Variants in ZMYM4 observed in about 807,000 individuals in gnomAD.
ZMYM4 encodes the protein zinc finger MYM-type protein 4.
Under a neutral mutation model 183.2 loss-of-function variants are expected in ZMYM4, and 31 were observed. The ratio of observed to expected loss-of-function variants is 0.17; its 90% CI spans 0.13 to 0.23. The LOEUF is 0.23. ZMYM4 is among the 10% of genes least tolerant of loss of function. The pLI is 1.00. For missense variants in ZMYM4, 1,273 were observed against 1,840.3 expected, an observed-to-expected ratio of 0.69 and a Z score of 5.64; for synonymous variants, 592 against 631.2, an observed-to-expected ratio of 0.94 and a Z score of 0.93.
In ZMYM4 at chr1:35,397,468, A is replaced by C; in HGVS notation, c.3122A>C (p.His1041Pro). The change falls in exon 20 of 30, where the codon CAT becomes CCT. Residue 1041 changes from histidine (H) to proline (P), a missense_variant. Coordinates refer to ENST00000314607, the MANE Select transcript of ZMYM4 (RefSeq NM_005095.3). ...IEDIKEKLPTHPFEADLLEMA... is the reference protein window; with the variant it reads ...IEDIKEKLPTPPFEADLLEMA... ...GACATTAAAGAAAAGCTTCCCACAC[A>C]TCCATTTGAAGCTGATCTCCTTGAG... 6.2e-7 allele frequency: 1 copy of C among 1,613,520 alleles called. No individual in the cohort carries two copies. The highest frequency in any genetic ancestry group is 1.3e-5 in the African/African-American group (1 of 75,016).
At position 35,370,757 on chromosome 1, in the gene ZMYM4, AC is replaced by A. The variant is rs5773499; in HGVS notation, c.1181+132del. 21,899 of 900,726 alleles carry A rather than the reference AC, an allele frequency of 0.024. 2,049 individuals carry two copies. The African/African-American group carries it at 0.3, about 12-fold the overall frequency. The allele number at this position is 900,726 out of a possible 1,614,324, so 55.8% of individuals were successfully genotyped here. On this transcript the variant is annotated intron_variant, in intron 7 of 29. Transcript: ENST00000314607. ...TTTTTTTTTTTTTTTTTTGAGAAAT[AC>A]CACATTATTTTCTGTCTGCTTTCAG...
At chr1:35,296,396 A>G (rs1641011195) in intron 1 of ZMYM4, among the ~76,000 whole-genome samples, 1 of 152,230 alleles carries the variant, frequency 6.6e-6, no homozygotes, top group Non-Finnish European at 1.5e-5. Flanking sequence ...TCAATTCAGA[A>G]TCTGTATTAC....
rs769894036 is a variant in ZMYM4 at position 35,386,999 on chromosome 1, C to T, written c.1837-4C>T. On this transcript the variant is annotated splice_region_variant and splice_polypyrimidine_tract_variant and intron_variant, in intron 11 of 29. Coordinates refer to ENST00000314607, the MANE Select transcript of ZMYM4 (RefSeq NM_005095.3). ...TGATACTTTTTGTTGTTTTGTTTTT[C>T]CAGAATTTATTCAACAAACCAACTG... 8.1e-6 allele frequency: 13 copies of T among 1,610,464 alleles called. No homozygotes were observed. In the South Asian group the frequency reaches 1.4e-4, roughly 18 times the overall value.
At chr1:35,383,913 TATG>T (rs1198389867) in intron 9 of ZMYM4, among the ~76,000 whole-genome samples, 7 of 152,284 alleles carry the variant, frequency 4.6e-5, no homozygotes, top group African/African-American at 1.4e-4. Context: ...TGTAAATAAC[TATG>T]ATACCACCTA....
intron 22 of ZMYM4, among the ~76,000 whole-genome samples, 159 bp from the exon 23 acceptor site, chr1:35,399,323 C>T (rs1207216389): frequency 6.6e-6 from 1 of 152,108 alleles, no homozygotes; most frequent in African/African-American, 2.4e-5. Flanking sequence ...CATTTATGCA[C>T]TATATCCTTG....
At chr1:35,319,847 T>C (rs1293581843) in intron 1 of ZMYM4, among the ~76,000 whole-genome samples, 1 of 152,182 alleles carries the variant, frequency 6.6e-6, no homozygotes, top group Non-Finnish European at 1.5e-5. Flanking sequence ...GAAACTTCAG[T>C]GGAAACTTTG....
rs558784834 is a variant in ZMYM4 at position 35,360,943 on chromosome 1, A to ATT, written c.608-233_608-232dup. Among the ~76,000 whole-genome samples the ATT allele has an allele frequency of 2.6e-3, 360 of 138,166 alleles. 3 individuals are homozygous for ATT. Among genetic ancestry groups the ATT allele is most frequent in the African/African-American group, 7.4e-3 (278 of 37,806 alleles). 90.6% of individuals were successfully genotyped at this position (138,166 alleles called of 152,430 possible). Reference sequence around the variant, plus strand: ...GCAAGCAATTTTCAGAGCAAAAATAATTTTTTTTTTTTTTTTTTTAGGTTT... The same window carrying ATT: ...GCAAGCAATTTTCAGAGCAAAAATAATTTTTTTTTTTTTTTTTTTTTAGGTTT... On this transcript the variant is annotated intron_variant, in intron 3 of 29. Coordinates refer to ENST00000314607, the MANE Select transcript of ZMYM4 (RefSeq NM_005095.3).
chr1:35,407,124 A>C lies in ZMYM4; in HGVS notation c.3797-884A>C, dbSNP rs1159753356. Among the ~76,000 whole-genome samples, 7 of 152,274 alleles carry C rather than the reference A, an allele frequency of 4.6e-5. No homozygotes were observed. The East Asian group carries it at 9.7e-4, about 21-fold the overall frequency. ...ATTTGAGGTGTTCTGTATTCAAATA[A>C]ATATCAGCTGAAGAAAGTTAAACAG... On this transcript the variant is annotated intron_variant, in intron 25 of 29. Transcript: ENST00000314607.
chr1:35,280,700 A>T lies in ZMYM4; in HGVS notation c.39+11615A>T, dbSNP rs113513154. Among the ~76,000 whole-genome samples the T allele has an allele frequency of 1.6e-3, 249 of 152,168 alleles. 3 individuals carry two copies. The highest frequency in any genetic ancestry group is 5.4e-3 in the African/African-American group (223 of 41,504). On this transcript the variant is annotated intron_variant, in intron 1 of 29. Coordinates refer to ENST00000314607, the MANE Select transcript of ZMYM4 (RefSeq NM_005095.3). ...CCACGTGTTCCTTGATTTGTGGTAG[A>T]TTACTCCAGTTTTTGCCTCTGTCTT...
chr1:35,322,095 A>G (rs1453162959), intron 1 of ZMYM4, among the ~76,000 whole-genome samples: 15 of 152,154 alleles, frequency 9.9e-5, no homozygotes, highest in Admixed American at 9.8e-4. Flanking sequence ...AAAAACAGGG[A>G]CATTTCTATG....
At chr1:35,323,540 GT>G (rs564392913) in intron 1 of ZMYM4, among the ~76,000 whole-genome samples, 3 of 150,184 alleles carry the variant, frequency 2.0e-5, no homozygotes, top group African/African-American at 4.9e-5. Flanking sequence ...TTTGTTTTTT[GT>G]TTTTTTGGTG....
chr1:35,358,675 CTT>C, intron 2 of ZMYM4: 1 of 367,510 alleles, frequency 2.7e-6, no homozygotes. Context: ...AGTTGGTGCT[CTT>C]TTCTCTATAT....
At chr1:35,371,194 C>T (rs1366246759) in intron 7 of ZMYM4, among the ~76,000 whole-genome samples, 1 of 151,648 alleles carries the variant, frequency 6.6e-6, no homozygotes. Flanking sequence ...CGGCTCACTG[C>T]AAGCTCCGCC....
intron 26 of ZMYM4, among the ~76,000 whole-genome samples, chr1:35,411,975 T>G (rs1041344991): frequency 6.6e-6 from 1 of 151,802 alleles, no homozygotes; most frequent in Admixed American, 6.6e-5. Flanking sequence ...CTCCGCCTCC[T>G]GGGTTCAACG....
At chr1:35,393,856 G>A in intron 18 of ZMYM4, 117 bp downstream of exon 18, 1 of 1,184,744 alleles carries the variant, frequency 8.4e-7, no homozygotes, top group Non-Finnish European at 1.1e-6. Context: ...TGTATACATT[G>A]CCCAATTTAG....
intron 1 of ZMYM4, among the ~76,000 whole-genome samples, chr1:35,320,340 C>G (rs541062297): frequency 2.0e-5 from 3 of 152,170 alleles, no homozygotes; most frequent in East Asian, 3.8e-4. Context: ...CAGAAAACTT[C>G]CGGATTGCTG....
chr1:35,349,005 A>AT (rs1172228493), intron 2 of ZMYM4, among the ~76,000 whole-genome samples: 7 of 151,784 alleles, frequency 4.6e-5, no homozygotes, highest in Non-Finnish European at 8.8e-5. Context: ...TTTTTATTTC[A>AT]TTTTTTTTGA....
rs992652290 is a variant in ZMYM4 at position 35,268,918 on chromosome 1, C to G, written c.-129C>G. On this transcript the variant is annotated 5_prime_UTR_variant, in exon 1 of 30. Transcript: ENST00000314607. The stretch of plus-strand genomic sequence containing the variant: ...ATCCGCCCCCTCCCCACTCTCGGCG[C>G]AAGGCCCGGCCGGGTCCGGGGAAGC... The G allele has an allele frequency of 2.5e-5, 28 of 1,107,052 alleles. No individual in the cohort carries two copies. Among genetic ancestry groups the G allele is most frequent in the Non-Finnish European group, 3.1e-5 (27 of 859,092 alleles). The allele number at this position is 1,107,052 out of a possible 1,614,324, so 68.6% of individuals were successfully genotyped here. A position where few individuals can be genotyped will look rare whatever the true frequency, so the allele number is the denominator to read the frequency against.
chr1:35,394,842 A>G (rs886699489), intron 18 of ZMYM4, among the ~76,000 whole-genome samples: 4 of 152,050 alleles, frequency 2.6e-5, no homozygotes, highest in Non-Finnish European at 4.4e-5. Context: ...GGCCGATTGC[A>G]GTGGCTCACA....
Sources: allele counts gnomAD v4.1 joint callset (sites outside exome capture counted in the v4.1 genomes callset), GRCh38; gene constraint gnomAD v4.1.1; transcripts MANE v1.5; gene names NCBI Gene and HGNC (gene_info 2026-07-23, HGNC 2026-07-21).